Variants in SNX13 observed in about 807,000 individuals in gnomAD.
SNX13 encodes the protein sorting nexin 13.
In SNX13, 45 loss-of-function variants were observed where a neutral mutation model predicts 133.6. The observed-to-expected ratio is 0.34, with a 90% CI of 0.27 to 0.43. The LOEUF is 0.43. SNX13 is among the 20% of genes least tolerant of loss of function. The pLI is 1.00. For missense variants in SNX13, 1,032 were observed against 1,145.1 expected, an observed-to-expected ratio of 0.90 and a Z score of 1.43; for synonymous variants, 414 against 373.9, an observed-to-expected ratio of 1.11 and a Z score of -1.24.
chr7:17,835,038 CT>C (rs1278556679), intron 13 of SNX13, among the ~76,000 whole-genome samples, 173 bp from the exon 14 acceptor site: 6 of 151,884 alleles, frequency 4.0e-5, no homozygotes, highest in Non-Finnish European at 8.8e-5. Context: ...AAACCCTTCT[CT>C]TCCTCATGTA....
intron 1 of SNX13, among the ~76,000 whole-genome samples, chr7:17,936,527 G>C (rs943194773): frequency 1.3e-5 from 2 of 152,152 alleles, no homozygotes; most frequent in Admixed American, 1.3e-4. Flanking sequence ...GTGACAACAC[G>C]TTGATAACTG....
intron 13 of SNX13, among the ~76,000 whole-genome samples, chr7:17,838,550 TA>T (rs976849483): frequency 4.6e-5 from 7 of 151,980 alleles, no homozygotes; most frequent in African/African-American, 1.7e-4. Flanking sequence ...GATTTTTAAG[TA>T]AAAAAAGATT....
intron 20 of SNX13, among the ~76,000 whole-genome samples, chr7:17,810,939 A>G (rs1374472652): frequency 6.6e-6 from 1 of 152,112 alleles, no homozygotes; most frequent in Non-Finnish European, 1.5e-5. Context: ...AAAGGCCTTC[A>G]ACAAAATTCA....
rs79525329 is a variant in SNX13 at position 17,819,545 on chromosome 7, C to A, written c.1845+1964G>T. Among the ~76,000 whole-genome samples, 119 of 152,192 alleles carry A rather than the reference C, an allele frequency of 7.8e-4. 2 individuals carry two copies. In the East Asian group the frequency reaches 0.021, roughly 27 times the overall value. On this transcript the variant is annotated intron_variant, in intron 18 of 25. Coordinates refer to ENST00000428135, the MANE Select transcript of SNX13 (RefSeq NM_015132.5). The stretch of plus-strand genomic sequence containing the variant: ...CTTGGCATTGGAAAAAATGTTGTAT[C>A]ACAAAATTATATAAACAAATGAAAC...
At chr7:17,926,124 T>A (rs1800726787) in intron 1 of SNX13, among the ~76,000 whole-genome samples, 1 of 106,804 alleles carries the variant, frequency 9.4e-6, no homozygotes, top group African/African-American at 3.1e-5. Context: ...TTGGGGCACA[T>A]CCATAGAGCT....
chr7:17,822,293 A>G (rs1787384642), intron 17 of SNX13, among the ~76,000 whole-genome samples: 2 of 151,984 alleles, frequency 1.3e-5, no homozygotes, highest in Non-Finnish European at 2.9e-5. Context: ...ATTTTGTACT[A>G]ATCTTAACTA....
At chr7:17,878,898 T>C (rs1330176052) in intron 5 of SNX13, among the ~76,000 whole-genome samples, 2 of 152,128 alleles carry the variant, frequency 1.3e-5, no homozygotes, top group African/African-American at 2.4e-5. Context: ...GACTATTCCC[T>C]CTACCAAATT....
chr7:17,797,543 T>C (rs538042554), intron 24 of SNX13, among the ~76,000 whole-genome samples: 8 of 151,922 alleles, frequency 5.3e-5, no homozygotes, highest in South Asian at 2.1e-4. Context: ...ATCTGGGAAT[T>C]TGGTGTAAGG....
chr7:17,847,341 G>C (rs571752117), intron 11 of SNX13, among the ~76,000 whole-genome samples: 2 of 151,062 alleles, frequency 1.3e-5, no homozygotes, highest in Admixed American at 6.6e-5. Flanking sequence ...TTGTTTGTTT[G>C]TTTTTTTGAG....
intron 1 of SNX13, among the ~76,000 whole-genome samples, chr7:17,920,673 T>C (rs1388374749): frequency 6.6e-6 from 1 of 152,198 alleles, no homozygotes; most frequent in African/African-American, 2.4e-5. Context: ...CAGCCCCATA[T>C]ACCGTTTATA....
At chr7:17,825,972 TATA>T in intron 17 of SNX13, 47 bp downstream of exon 17, 1 of 1,248,738 alleles carries the variant, frequency 8.0e-7, no homozygotes, top group Non-Finnish European at 1.1e-6. Context: ...TATTTAGGGA[TATA>T]ATAATACATA....
At chr7:17,832,190 A>C in intron 15 of SNX13, 28 of 984,532 alleles carry the variant, frequency 2.8e-5, no homozygotes, top group Non-Finnish European at 3.4e-5. Flanking sequence ...AAAATTTTTT[A>C]ATGTACTTCG....
chr7:17,811,821 G>A (rs1453471200), intron 20 of SNX13, among the ~76,000 whole-genome samples: 3 of 151,894 alleles, frequency 2.0e-5, no homozygotes, highest in Admixed American at 6.6e-5. Context: ...GGAACAGAAC[G>A]GAGGCCTCAG....
intron 18 of SNX13, among the ~76,000 whole-genome samples, chr7:17,817,420 C>T (rs1275017791): frequency 2.0e-5 from 3 of 152,242 alleles, no homozygotes; most frequent in East Asian, 3.9e-4. Flanking sequence ...TTGTTGAAAA[C>T]GTCTCTGTAA....
At chr7:17,826,115 A>C (rs769829323) in intron 16 of SNX13, 24 bp from the exon 17 acceptor site, 4 of 1,453,758 alleles carry the variant, frequency 2.8e-6, no homozygotes, top group Admixed American at 4.6e-5. Flanking sequence ...ATCAGGAAAC[A>C]AATTTTTAAA....
rs1416755348 is a variant in SNX13 at position 17,851,055 on chromosome 7, AT to A, written c.838-92del. ...TGAGTGCCTACTATGTGCTAGGACAATTTGCTACATACTCAGTGCTTACAAC... is the reference window on the plus strand; with the variant it reads ...TGAGTGCCTACTATGTGCTAGGACAATTGCTACATACTCAGTGCTTACAAC... On this transcript the variant is annotated intron_variant, in intron 9 of 25. Coordinates refer to ENST00000428135, the MANE Select transcript of SNX13 (RefSeq NM_015132.5). 3.8e-6 allele frequency: 5 copies of A among 1,303,420 alleles called. No homozygotes were observed. In the East Asian group the frequency reaches 1.3e-4, roughly 34 times the overall value. 80.7% of individuals were successfully genotyped at this position (1,303,420 alleles called of 1,614,324 possible). A position where few individuals can be genotyped will look rare whatever the true frequency, so the allele number is the denominator to read the frequency against.
intron 9 of SNX13, among the ~76,000 whole-genome samples, chr7:17,856,785 T>TAAAAAAAA (rs200753998): frequency 1.8e-4 from 18 of 97,396 alleles, no homozygotes; most frequent in South Asian, 3.2e-4. Context: ...GAGACTCTCT[T>TAAAAAAAA]AAAAAAAAAA....
chr7:17,836,073 G>A (rs765141052), intron 13 of SNX13, among the ~76,000 whole-genome samples: 8 of 151,806 alleles, frequency 5.3e-5, no homozygotes, highest in Non-Finnish European at 1.0e-4. Context: ...CATATTTTAC[G>A]TTTATTTAAA....
intron 5 of SNX13, among the ~76,000 whole-genome samples, chr7:17,887,023 C>T (rs1796084188): frequency 1.3e-5 from 2 of 149,786 alleles, no homozygotes; most frequent in East Asian, 3.9e-4. Flanking sequence ...GTGTACACAA[C>T]CTAGGAACAT....
Sources: allele counts gnomAD v4.1 joint callset (sites outside exome capture counted in the v4.1 genomes callset), GRCh38; gene constraint gnomAD v4.1.1; transcripts MANE v1.5; gene names NCBI Gene and HGNC (gene_info 2026-07-23, HGNC 2026-07-21).